Variants in YRDC observed in about 807,000 individuals in gnomAD.
YRDC encodes threonylcarbamoyl-AMP synthase.
Under a neutral mutation model 21.5 loss-of-function variants are expected in YRDC, and 17 were observed. The observed-to-expected ratio is 0.79, with a 90% CI of 0.54 to 1.19. The LOEUF (loss-of-function observed/expected upper bound fraction) is 1.19. Ranked by LOEUF, YRDC falls within the 50% of genes most tolerant of loss-of-function variation. YRDC has a pLI of 0.00. For missense variants in YRDC, 380 were observed against 397.1 expected (o/e 0.96, Z 0.37); for synonymous variants, 193 against 176.7 (o/e 1.09, Z -0.73).
chr1:37,804,205 G>A, intron 4 of YRDC, 97 bp downstream of exon 4: 1 of 1,540,154 alleles, frequency 6.5e-7, no homozygotes, highest in Non-Finnish European at 8.8e-7. Context: ...CTCCTTCAGG[G>A]CAACATAGGA....
Position 37,808,107 on chromosome 1 carries a change from G to A in YRDC, c.74C>T (p.Ala25Val). ...GAAGAGGCGACCGCTCCGGGAGCCAGCAGGCCCCTCGCTCAACCCCACGCT... is the reference window on the plus strand; with the variant it reads ...GAAGAGGCGACCGCTCCGGGAGCCAACAGGCCCCTCGCTCAACCCCACGCT... ...AASVGLSEGP[A>V]GSRSGRLFRP... is the part of the protein sequence containing the mutation. Residue 25 changes from alanine (A) to valine (V), a missense_variant, in exon 1 of 5, where the codon GCT becomes GTT. Ala to Val is a moderately conservative substitution (Grantham distance 64, BLOSUM62 0). Coordinates refer to ENST00000373044, the MANE Select transcript of YRDC (RefSeq NM_024640.4). The A allele has an allele frequency of 6.9e-7, 1 of 1,440,628 alleles. No individual in the cohort carries two copies. The highest frequency in any genetic ancestry group is 9.1e-7 in the Non-Finnish European group (1 of 1,101,488). The allele number at this position is 1,440,628 out of a possible 1,614,324, so 89.2% of individuals were successfully genotyped here. A position where few individuals can be genotyped will look rare whatever the true frequency, so the allele number is the denominator to read the frequency against.
intron 4 of YRDC, 105 bp downstream of exon 4, chr1:37,804,197 C>T: frequency 6.5e-7 from 1 of 1,528,148 alleles, no homozygotes; most frequent in Non-Finnish European, 8.9e-7. Context: ...GGCCCACACT[C>T]CTTCAGGGCA....
intron 3 of YRDC, among the ~76,000 whole-genome samples, chr1:37,805,279 A>C (rs1205822588): frequency 6.6e-6 from 1 of 152,206 alleles, no homozygotes; most frequent in Non-Finnish European, 1.5e-5. Context: ...AACAAAAAAA[A>C]ACTAGGTAAA....
Position 37,804,168 on chromosome 1 carries a change from C to A in YRDC, c.767+134G>T. On this transcript the variant is annotated intron_variant, in intron 4 of 4. Transcript: ENST00000373044. ...GCCAGGAAACTTAGTCCCACTGCAA[C>A]TACCACTTCTCCAAACCTGGCCCAC... The A allele has an allele frequency of 3.4e-6, 5 of 1,462,684 alleles. No homozygotes were observed. The South Asian group carries it at 6.6e-5, about 19-fold the overall frequency. 90.6% of individuals were successfully genotyped at this position (1,462,684 alleles called of 1,614,324 possible).
chr1:37,806,937 C>A lies in YRDC; in HGVS notation c.544G>T (p.Asp182Tyr), dbSNP rs766404296. 25 of 1,614,054 alleles carry A rather than the reference C, an allele frequency of 1.5e-5. No homozygotes were observed. The highest frequency in any genetic ancestry group is 2.0e-5 in the Non-Finnish European group (24 of 1,180,044). The change falls in exon 3 of 5, where the codon GAC (aspartate) becomes TAC (tyrosine). Residue 182 changes from aspartate to tyrosine, a missense_variant. By Grantham distance (160) the Asp-to-Tyr change is radical. This residue lies in a region of YRDC where 238 missense variants were observed against 236.5 expected (regional missense o/e 1.01). Coordinates refer to ENST00000373044, the MANE Select transcript of YRDC (RefSeq NM_024640.4). ...IRIPDHAFMQ[D>Y]LAQMFEGPLA... ...GGACCCTCAAACATCTGAGCCAAGT[C>A]TTGCATAAAAGCATGATCAGGAATC...
chr1:37,806,928 G>C lies in YRDC; in HGVS notation c.553C>G (p.Gln185Glu). 3 of 1,614,186 alleles carry C rather than the reference G, an allele frequency of 1.9e-6. No individual in the cohort carries two copies. The highest frequency in any genetic ancestry group is 1.3e-5 in the African/African-American group (1 of 75,046). Residue 185 changes from glutamine (Q) to glutamate (E), a missense_variant, in exon 3 of 5, where the codon CAG (glutamine) becomes GAG (glutamate). This residue lies in a region of YRDC where 238 missense variants were observed against 236.5 expected (regional missense o/e 1.01). Coordinates refer to ENST00000373044, the MANE Select transcript of YRDC (RefSeq NM_024640.4). Reference protein sequence around the residue: ...PDHAFMQDLAQMFEGPLALTS... With the variant: ...PDHAFMQDLAEMFEGPLALTS... ...AGAGCAAGCGGACCCTCAAACATCTGAGCCAAGTCTTGCATAAAAGCATGA... is the reference window on the plus strand; with the variant it reads ...AGAGCAAGCGGACCCTCAAACATCTCAGCCAAGTCTTGCATAAAAGCATGA...
intron 1 of YRDC, 30 bp downstream of exon 1, chr1:37,807,762 C>T (rs1158803681): frequency 6.8e-7 from 1 of 1,472,504 alleles, no homozygotes; most frequent in South Asian, 1.3e-5. Flanking sequence ...CGGTGCCGCC[C>T]CTAGCGGGGC....
At chr1:37,804,258 A>G (rs772254955) in intron 4 of YRDC, 44 bp downstream of exon 4, 1 of 1,591,716 alleles carries the variant, frequency 6.3e-7, no homozygotes, top group South Asian at 1.1e-5. Context: ...CATCTCTCCA[A>G]CCTCCCTCAA....
At chr1:37,807,511 AGCTACTGTGTTT>A (rs1646747321) in intron 1 of YRDC, 1 of 601,366 alleles carries the variant, frequency 1.7e-6, no homozygotes, top group African/African-American at 1.8e-5. Context: ...TATTAAATTA[AGCTACTGTGTTT>A]GTTTGCTTTT....
rs1243560299 is a variant in YRDC at position 37,806,859 on chromosome 1, C to T, written c.622G>A (p.Glu208Lys). 4 of 1,614,086 alleles carry T rather than the reference C, an allele frequency of 2.5e-6. No individual in the cohort carries two copies. The highest frequency in any genetic ancestry group is 1.7e-4 in the Middle Eastern group (1 of 6,054). ...GGGGAAGGACTGGGTAAACTCACCT[C>T]GACATTCAGAGAACTGGCCTGGGAG... ...LSSQASSLNVEEFQDLWPQLS... is the reference protein window; with the variant it reads ...LSSQASSLNVKEFQDLWPQLS... Residue 208 changes from glutamate to lysine, a missense_variant and splice_region_variant, in exon 3 of 5, where the codon GAG becomes AAG. Transcript: ENST00000373044.
chr1:37,805,375 C>A (rs530980166), intron 3 of YRDC, among the ~76,000 whole-genome samples: 1 of 152,188 alleles, frequency 6.6e-6, no homozygotes, highest in Non-Finnish European at 1.5e-5. Context: ...GATCTCACTG[C>A]GACTCTGATC....
chr1:37,805,702 G>A (rs1646729587), intron 3 of YRDC, among the ~76,000 whole-genome samples: 1 of 152,172 alleles, frequency 6.6e-6, no homozygotes, highest in East Asian at 1.9e-4. Flanking sequence ...TCTGAGAATG[G>A]GAAGGGATGC....
intron 3 of YRDC, among the ~76,000 whole-genome samples, chr1:37,805,040 G>C (rs890965683): frequency 5.3e-5 from 8 of 151,870 alleles, no homozygotes; most frequent in Non-Finnish European, 7.4e-5. Flanking sequence ...TGGATCTCTT[G>C]AGGCCAGGAG....
chr1:37,808,031 G>A lies in YRDC; in HGVS notation c.150C>T (p.Leu50=). 7.7e-7 allele frequency: 1 copy of A among 1,298,330 alleles called. No individual in the cohort carries two copies. The highest frequency in any genetic ancestry group is 9.7e-7 in the Non-Finnish European group (1 of 1,026,590). The allele number at this position is 1,298,330 out of a possible 1,614,324, so 80.4% of individuals were successfully genotyped here. Residue 50 remains leucine, a synonymous_variant, in exon 1 of 5, where the codon CTC becomes CTT. Transcript: ENST00000373044. ...CGGCCTGCACGGCCCCGCTCCCCGG[G>A]AGCCGCAACAGCCGGGCGCCGGGGG... is the stretch of plus-strand genomic sequence containing the variant. The part of the protein sequence containing the change: ...PAAPGARLLR[L]PGSGAVQAAS...
rs1646714298 is a variant in YRDC at position 37,803,255 on chromosome 1, TTACAA to T, written c.*665_*669del. On this transcript the variant is annotated 3_prime_UTR_variant, in exon 5 of 5. Transcript: ENST00000373044. ...AAAAGACTGCTCTCCCTGCGAGCAA[TTACAA>T]TACATGACACCACTAGGCCCAATGG... 6.6e-6 allele frequency: 1 copy of T among 152,254 alleles called. No individual in the cohort carries two copies. The highest frequency in any genetic ancestry group is 2.4e-5 in the African/African-American group (1 of 41,464). The allele number at this position is 152,254 out of a possible 1,614,324, so 9.4% of individuals were successfully genotyped here.
chr1:37,807,213 T>A lies in YRDC; in HGVS notation c.392A>T (p.Tyr131Phe). The A allele has an allele frequency of 6.2e-7, 1 of 1,613,814 alleles. No homozygotes were observed. Among genetic ancestry groups the A allele is most frequent in the South Asian group, 1.1e-5 (1 of 91,080 alleles). Reference sequence around the variant, plus strand: ...CCCCTCAGGTACTCTCACACGGCAGTATCTGGGAAACACAGAAGAATAAAT... The same window carrying A: ...CCCCTCAGGTACTCTCACACGGCAGAATCTGGGAAACACAGAAGAATAAAT... ...CLGRVADVYRYCRVRVPEGLL... is the reference protein window; with the variant it reads ...CLGRVADVYRFCRVRVPEGLL... The change falls in exon 2 of 5, where the codon TAC becomes TTC. Residue 131 changes from tyrosine to phenylalanine, a missense_variant and splice_region_variant. By Grantham distance (22) the Tyr-to-Phe change is conservative. Transcript: ENST00000373044.
rs1200365232 is a variant in YRDC at position 37,804,405 on chromosome 1, C to T, written c.664G>A (p.Asp222Asn). 9.3e-6 allele frequency: 15 copies of T among 1,614,094 alleles called. No individual in the cohort carries two copies. The highest frequency in any genetic ancestry group is 1.1e-5 in the Non-Finnish European group (13 of 1,179,972). ...DLWPQLSLVIDGGQIGDGQSP... is the reference protein window; with the variant it reads ...DLWPQLSLVINGGQIGDGQSP... ...TGGCCATCCCCAATTTGTCCCCCAT[C>T]AATAACCAAGGACAACTGAGGCCAG... Residue 222 changes from aspartate (D) to asparagine (N), a missense_variant, in exon 4 of 5, where the codon GAT becomes AAT. Around this residue, in one of 3 missense-constraint regions of YRDC, gnomAD observed 238 missense variants for 236.5 expected, o/e 1.01. Transcript: ENST00000373044.
Position 37,807,223 on chromosome 1 carries a change from A to G in YRDC, c.390-8T>C. On this transcript the variant is annotated splice_region_variant and splice_polypyrimidine_tract_variant and intron_variant, in intron 1 of 4. Transcript: ENST00000373044. ...ACTCTCACACGGCAGTATCTGGGAA[A>G]CACAGAAGAATAAATCCATTCAAAA... The G allele has an allele frequency of 6.2e-7, 1 of 1,612,440 alleles. No individual in the cohort carries two copies. The highest frequency in any genetic ancestry group is 8.5e-7 in the Non-Finnish European group (1 of 1,178,516).
intron 3 of YRDC, among the ~76,000 whole-genome samples, chr1:37,804,766 G>C (rs28533538): frequency 5.4e-4 from 82 of 152,292 alleles, no homozygotes; most frequent in African/African-American, 1.9e-3. Flanking sequence ...AGAGATACGG[G>C]CTATAACTCT....
Sources: gnomAD v4.1 joint callset for allele counts (sites outside exome capture counted in the v4.1 genomes callset) on GRCh38, gnomAD v4.1.1 for gene constraint, gnomAD v4.1.1 regional missense constraint, MANE v1.5 for transcripts, NCBI Gene and HGNC (gene_info 2026-07-23, HGNC 2026-07-21) for gene names.